ADAM22: variants seen among roughly 807,000 people sequenced by gnomAD.
ADAM22 encodes disintegrin and metalloproteinase domain-containing protein 22.
In ADAM22, 65 loss-of-function variants were observed where a neutral mutation model predicts 144.6. The observed-to-expected ratio is 0.45, with a 90% CI of 0.37 to 0.55. ADAM22 has a LOEUF of 0.55. Ranked by LOEUF, ADAM22 falls within the 20% of genes least tolerant of loss-of-function variation. The pLI is 0.00. For synonymous variants in ADAM22, 391 were observed against 412.6 expected (o/e 0.95, Z 0.63); for missense variants, 974 against 1,184.9 (o/e 0.82, Z 2.61).
At chr7:88,059,176 G>A (rs1019276891) in intron 3 of ADAM22, among the ~76,000 whole-genome samples, 1 of 152,150 alleles carries the variant, frequency 6.6e-6, no homozygotes, top group African/African-American at 2.4e-5. Context: ...TAAAGAATCT[G>A]TGGATGTTGA....
At chr7:88,133,073 A>G (rs975881444) in intron 12 of ADAM22, 122 bp downstream of exon 12, 3 of 821,268 alleles carry the variant, frequency 3.7e-6, no homozygotes, top group Middle Eastern at 2.6e-4. Flanking sequence ...ATTACAAATC[A>G]GTATGGTGGC....
Position 88,100,631 on chromosome 7 carries a change from C to T in ADAM22, c.391-7545C>T, listed in dbSNP as rs116782208. On this transcript the variant is annotated intron_variant, in intron 4 of 31. Coordinates refer to ENST00000413139, the MANE Select transcript of ADAM22 (RefSeq NM_001324418.2). ...TAAAATTTAGCTTTTTTAAGAATTT[C>T]CATTATGCAGCTGGCCCTAAGGAGA... Among the ~76,000 whole-genome samples the T allele has an allele frequency of 3.0e-3, 453 of 152,204 alleles. 3 individuals are homozygous for T. The highest frequency in any genetic ancestry group is 0.011 in the African/African-American group (438 of 41,528).
intron 8 of ADAM22, among the ~76,000 whole-genome samples, chr7:88,126,344 G>A (rs899086483): frequency 1.3e-5 from 2 of 152,038 alleles, no homozygotes. Context: ...CTGTGGTGGT[G>A]TGGGCAGGAG....
intron 2 of ADAM22, among the ~76,000 whole-genome samples, chr7:87,974,818 G>C (rs1851507817): frequency 6.6e-6 from 1 of 152,188 alleles, no homozygotes; most frequent in African/African-American, 2.4e-5. Flanking sequence ...GGCCCTAAGG[G>C]AGATTCATTC....
chr7:88,170,686 A>G (rs1256106060), intron 25 of ADAM22, among the ~76,000 whole-genome samples: 1 of 152,030 alleles, frequency 6.6e-6, no homozygotes, highest in Non-Finnish European at 1.5e-5. Context: ...TAAAGATGTT[A>G]CCAATGAAAT....
chr7:88,185,482 C>T (rs1179559240), intron 29 of ADAM22, among the ~76,000 whole-genome samples: 1 of 151,696 alleles, frequency 6.6e-6, no homozygotes, highest in Non-Finnish European at 1.5e-5. Context: ...TTATAATTTC[C>T]CCTGGTTTGT....
intron 3 of ADAM22, among the ~76,000 whole-genome samples, chr7:88,036,997 T>A (rs1049082453): frequency 6.6e-6 from 1 of 152,162 alleles, no homozygotes; most frequent in South Asian, 2.1e-4. Flanking sequence ...CATTTCCATG[T>A]ATTCCACATT....
chr7:87,991,185 G>A (rs1789743282), intron 3 of ADAM22, among the ~76,000 whole-genome samples: 1 of 151,866 alleles, frequency 6.6e-6, no homozygotes, highest in Admixed American at 6.6e-5. Flanking sequence ...TTGCTTTCTG[G>A]GACAATCAGA....
At chr7:88,108,058 G>A in intron 4 of ADAM22, 118 bp from the exon 5 acceptor site, 1 of 688,794 alleles carries the variant, frequency 1.5e-6, no homozygotes, top group South Asian at 2.0e-5. Flanking sequence ...TCTGAATAAT[G>A]AAATATCATG....
intron 29 of ADAM22, among the ~76,000 whole-genome samples, chr7:88,182,429 A>G (rs1008767123): frequency 6.6e-6 from 1 of 152,146 alleles, no homozygotes; most frequent in Non-Finnish European, 1.5e-5. Flanking sequence ...ATTGTACTAG[A>G]GCATGATACT....
intron 3 of ADAM22, among the ~76,000 whole-genome samples, chr7:87,989,450 T>A (rs1288884193): frequency 6.6e-6 from 1 of 152,200 alleles, no homozygotes; most frequent in Non-Finnish European, 1.5e-5. Context: ...ATGCAGTGGC[T>A]ATTCACAGGC....
chr7:88,014,759 C>A (rs1796183539), intron 3 of ADAM22, among the ~76,000 whole-genome samples: 1 of 152,226 alleles, frequency 6.6e-6, no homozygotes, highest in South Asian at 2.1e-4. Flanking sequence ...GCAGAAGGAG[C>A]TTTTGCAGAG....
At chr7:87,977,319 T>C (rs1290314208) in intron 2 of ADAM22, among the ~76,000 whole-genome samples, 3 of 152,236 alleles carry the variant, frequency 2.0e-5, no homozygotes, top group Non-Finnish European at 4.4e-5. Flanking sequence ...TGAGGTCACC[T>C]GTGGCCCCAC....
chr7:88,078,215 A>T (rs1040096602), intron 4 of ADAM22, among the ~76,000 whole-genome samples: 12 of 152,160 alleles, frequency 7.9e-5, no homozygotes, highest in Non-Finnish European at 1.6e-4. Flanking sequence ...TTCTGCAGCC[A>T]CCACTGCTGA....
chr7:88,198,862 T>C lies in ADAM22; in HGVS notation c.*2371T>C, dbSNP rs995064122. ...GGTATATAGTTTGTAATTACCCGCCTTGGTAATAACCTTCCTGTGGAACTG... is the reference window on the plus strand; with the variant it reads ...GGTATATAGTTTGTAATTACCCGCCCTGGTAATAACCTTCCTGTGGAACTG... On this transcript the variant is annotated 3_prime_UTR_variant, in exon 32 of 32. Coordinates refer to ENST00000413139, the MANE Select transcript of ADAM22 (RefSeq NM_001324418.2). The C allele has an allele frequency of 3.3e-5, 5 of 152,248 alleles. No homozygotes were observed. The highest frequency in any genetic ancestry group is 4.8e-5 in the African/African-American group (2 of 41,474). The allele number at this position is 152,248 out of a possible 1,614,324, so 9.4% of individuals were successfully genotyped here. A position where few individuals can be genotyped will look rare whatever the true frequency, so the allele number is the denominator to read the frequency against.
intron 30 of ADAM22, among the ~76,000 whole-genome samples, chr7:88,192,184 A>G (rs564252775): frequency 1.8e-4 from 28 of 152,306 alleles, no homozygotes; most frequent in African/African-American, 5.8e-4. Context: ...TGGCAGTGTA[A>G]CCAGTTCAAT....
At chr7:87,980,876 T>C (rs1853226975) in intron 3 of ADAM22, among the ~76,000 whole-genome samples, 1 of 152,112 alleles carries the variant, frequency 6.6e-6, no homozygotes, top group Non-Finnish European at 1.5e-5. Context: ...AGGACAGATG[T>C]ATTAACAAAA....
chr7:87,981,282 C>T (rs1008946756), intron 3 of ADAM22, among the ~76,000 whole-genome samples: 4 of 152,018 alleles, frequency 2.6e-5, no homozygotes, highest in African/African-American at 9.7e-5. Flanking sequence ...TTATAGCCTG[C>T]TTTTTTTGGA....
rs201818890 is a variant in ADAM22, at chr7:87,982,993, GTTATTACATATT to G, written c.323+4585_323+4596del. 6.6e-3 allele frequency among the ~76,000 whole-genome samples: 1,005 copies of G among 151,732 alleles called. 45 individuals are homozygous for G. Among genetic ancestry groups the G allele is most frequent in the Admixed American group, 0.057 (871 of 15,216 alleles). The stretch of plus-strand genomic sequence containing the variant: ...AGTATGAGCCACCATGCCTGGCCCA[GTTATTACATATT>G]TTAATATTTTTTGAAAACAATCTCT... On this transcript the variant is annotated intron_variant, in intron 3 of 31. Transcript: ENST00000413139.
Sources: gnomAD v4.1 joint callset for allele counts (sites outside exome capture counted in the v4.1 genomes callset) on GRCh38, gnomAD v4.1.1 for gene constraint, MANE v1.5 for transcripts, NCBI Gene and HGNC (gene_info 2026-07-23, HGNC 2026-07-21) for gene names.